The following ANLN variants were observed in gnomAD, a reference collection of about 807,000 sequenced individuals.
ANLN encodes anillin.
A neutral mutation model predicts 135.1 loss-of-function variants in ANLN; 59 were observed. The ratio of observed to expected loss-of-function variants is 0.44; its 90% confidence interval spans 0.35 to 0.54. ANLN has a LOEUF of 0.54. ANLN is among the 20% of genes least tolerant of loss of function. The pLI is 0.00. For missense variants in ANLN, 1,182 were observed against 1,340.0 expected, an observed-to-expected ratio of 0.88 and a Z score of 1.84; for synonymous variants, 406 against 456.4, an observed-to-expected ratio of 0.89 and a Z score of 1.41.
rs1369970909 is a variant in ANLN at position 36,449,781 on chromosome 7, A to G, written c.3195A>G (p.Arg1065=). Residue 1065 remains arginine (R), a synonymous_variant, in exon 23 of 24, where the codon AGA becomes AGG. Coordinates refer to ENST00000265748, the MANE Select transcript of ANLN (RefSeq NM_018685.5). ...TFELITVRPQ[R]EDDRETLVSQ... ...AATTAATTACTGTCCGACCACAAAG[A>G]GAAGATGACCGAGAGACTCTTGTCA... is the stretch of plus-strand genomic sequence containing the variant. The G allele has an allele frequency of 1.9e-6, 3 of 1,614,040 alleles. No individual in the cohort carries two copies. The highest frequency in any genetic ancestry group is 3.3e-5 in the Admixed American group (2 of 60,006).
chr7:36,395,629 A>G (rs574980707), intron 1 of ANLN, among the ~76,000 whole-genome samples: 87 of 152,282 alleles, frequency 5.7e-4, no homozygotes, highest in African/African-American at 2.1e-3. Flanking sequence ...GTGGCTTAAA[A>G]CAATACTCTT....
chr7:36,399,209 G>A lies in ANLN; in HGVS notation c.303G>A (p.Val101=). 6.2e-7 allele frequency: 1 copy of A among 1,614,132 alleles called. No individual in the cohort carries two copies. Among genetic ancestry groups the A allele is most frequent in the African/African-American group, 1.3e-5 (1 of 75,038 alleles). Residue 101 remains valine (V), a synonymous_variant, in exon 3 of 24, where the codon GTG becomes GTA. Coordinates refer to ENST00000265748, the MANE Select transcript of ANLN (RefSeq NM_018685.5). ...CAAAATCTTGTTCTCCAAGTCCTGTGTCTCCTCAGGTGCAGCCACAAGCAG... is the reference window on the plus strand; with the variant it reads ...CAAAATCTTGTTCTCCAAGTCCTGTATCTCCTCAGGTGCAGCCACAAGCAG... ...TSAKSCSPSP[V]SPQVQPQAAD...
Position 36,421,852 on chromosome 7 carries a change from C to A in ANLN, c.2164-5C>A. ...TATTTTTTCTCCTCTCATTGGTTTT[C>A]CTAGGAACTCAATAACGAAATAAAT... On this transcript the variant is annotated splice_polypyrimidine_tract_variant and splice_region_variant and intron_variant, in intron 12 of 23. Coordinates refer to ENST00000265748, the MANE Select transcript of ANLN (RefSeq NM_018685.5). The A allele has an allele frequency of 6.3e-7, 1 of 1,594,838 alleles. No individual in the cohort carries two copies. Among genetic ancestry groups the A allele is most frequent in the Non-Finnish European group, 8.5e-7 (1 of 1,172,460 alleles).
intron 4 of ANLN, among the ~76,000 whole-genome samples, chr7:36,406,897 T>C (rs1264204081): frequency 6.6e-6 from 1 of 152,108 alleles, no homozygotes; most frequent in African/African-American, 2.4e-5. Context: ...TAAATATATA[T>C]ATGAGAAATT....
rs551314566 is a variant in ANLN, at chr7:36,407,744, C to T, written c.884C>T (p.Ser295Phe). The T allele has an allele frequency of 5.0e-6, 8 of 1,612,228 alleles. No homozygotes were observed. The South Asian group carries it at 8.8e-5, about 18-fold the overall frequency. Residue 295 changes from serine (S) to phenylalanine (F), a missense_variant, in exon 5 of 24, where the codon TCT becomes TTT. Transcript: ENST00000265748. ...ASISSSVKAT[S>F]PVKSTTSITD... Reference sequence around the variant, plus strand: ...GTTTTCATGTTTCAGAAAGCTACTTCTCCAGTGAAATCTACTACATCTATC... The same window carrying T: ...GTTTTCATGTTTCAGAAAGCTACTTTTCCAGTGAAATCTACTACATCTATC...
chr7:36,407,784 T>TA lies in ANLN; in HGVS notation c.924_925insA (p.Cys309MetfsTer2). 6.2e-7 allele frequency: 1 copy of TA among 1,613,832 alleles called. No individual in the cohort carries two copies. The highest frequency in any genetic ancestry group is 8.5e-7 in the Non-Finnish European group (1 of 1,179,826). On this transcript the variant is annotated frameshift_variant, in exon 5 of 24. Transcript: ENST00000265748. LOFTEE classifies it high-confidence loss of function. The stretch of plus-strand genomic sequence containing the variant: ...CTACATCTATCACTGATGCTAAAAG[T>TA]TGTGAGGGACAAAATCCTGAGCTAC...
rs1292792033 is a variant in ANLN, at chr7:36,419,412, C to G, written c.1802C>G (p.Ala601Gly). 6.2e-7 allele frequency: 1 copy of G among 1,614,134 alleles called. No homozygotes were observed. Among genetic ancestry groups the G allele is most frequent in the Admixed American group, 1.7e-5 (1 of 60,018 alleles). ...LAESSEEQEDALNISSMSLLA... is the reference protein window; with the variant it reads ...LAESSEEQEDGLNISSMSLLA... ...GAAAGCAGCGAAGAACAGGAAGATGCACTGAATATCTCCTCAATGTCTTTA... is the reference window on the plus strand; with the variant it reads ...GAAAGCAGCGAAGAACAGGAAGATGGACTGAATATCTCCTCAATGTCTTTA... Residue 601 changes from alanine (A) to glycine (G), a missense_variant, in exon 10 of 24, where the codon GCA becomes GGA. Physicochemically the swap from Ala to Gly is moderately conservative, Grantham distance 60 (BLOSUM62 0). Around this residue, in one of 3 missense-constraint regions of ANLN, gnomAD observed 1,022 missense variants for 1,134.0 expected, o/e 0.90. Transcript: ENST00000265748.
chr7:36,417,879 A>T (rs1787712309), intron 9 of ANLN, among the ~76,000 whole-genome samples: 1 of 151,522 alleles, frequency 6.6e-6, no homozygotes, highest in Non-Finnish European at 1.5e-5. Context: ...GTTTCACCAT[A>T]TTGGCCAGGC....
chr7:36,424,858 T>C lies in ANLN; in HGVS notation c.2709+116T>C, dbSNP rs562873237. 129 of 982,884 alleles carry C rather than the reference T, an allele frequency of 1.3e-4. 1 individual carries two copies. Among genetic ancestry groups the C allele is most frequent in the Middle Eastern group, 3.2e-4 (1 of 3,082 alleles). 60.9% of individuals were successfully genotyped at this position (982,884 alleles called of 1,614,324 possible). On this transcript the variant is annotated intron_variant, in intron 17 of 23. Coordinates refer to ENST00000265748, the MANE Select transcript of ANLN (RefSeq NM_018685.5). ...TTAGGAAGTTTTTGGATCAGTTTCA[T>C]GTTCCAATTTGTAGTTACTATGTTA...
In ANLN at chr7:36,389,969, T is replaced by G. The variant is rs1428737467; in HGVS notation, c.-58T>G. 1 of 1,613,962 alleles carries G rather than the reference T, an allele frequency of 6.2e-7. No homozygotes were observed. The highest frequency in any genetic ancestry group is 1.3e-5 in the African/African-American group (1 of 74,942). On this transcript the variant is annotated 5_prime_UTR_variant, in exon 1 of 24. Coordinates refer to ENST00000265748, the MANE Select transcript of ANLN (RefSeq NM_018685.5). Reference sequence around the variant, plus strand: ...AGACACACTGAGCTGAGACTCACTTTTCTCTTCCTGAATTTGAACCACCGT... The same window carrying G: ...AGACACACTGAGCTGAGACTCACTTGTCTCTTCCTGAATTTGAACCACCGT...
intron 9 of ANLN, 41 bp downstream of exon 9, chr7:36,417,231 CTATAGGAAATA>C (rs1787682165): frequency 4.5e-6 from 5 of 1,106,148 alleles, no homozygotes; most frequent in Non-Finnish European, 6.6e-6. Flanking sequence ...TTTGCACATA[CTATAGGAAATA>C]ATATATTGAT....
At chr7:36,423,977 AT>A (rs1223116397) in intron 15 of ANLN, 34 bp downstream of exon 15, 1 of 1,594,516 alleles carries the variant, frequency 6.3e-7, no homozygotes, top group Non-Finnish European at 8.5e-7. Flanking sequence ...ATTCGAATGC[AT>A]TTTTCTTTTT....
At chr7:36,448,147 G>A (rs1260328806) in intron 22 of ANLN, among the ~76,000 whole-genome samples, 1 of 152,112 alleles carries the variant, frequency 6.6e-6, no homozygotes, top group Admixed American at 6.5e-5. Context: ...CCGAGTAGCT[G>A]GGACTACAGG....
chr7:36,439,906 T>C (rs1394224728), intron 21 of ANLN, among the ~76,000 whole-genome samples: 2 of 152,214 alleles, frequency 1.3e-5, no homozygotes, highest in Admixed American at 1.3e-4. Flanking sequence ...ATTTGGACTT[T>C]ATCCTAGAGT....
At chr7:36,419,170 T>C (rs1321655878) in intron 9 of ANLN, 74 bp from the exon 10 acceptor site, 1 of 1,087,974 alleles carries the variant, frequency 9.2e-7, no homozygotes, top group East Asian at 2.5e-5. Flanking sequence ...AATATGAATA[T>C]TAAATTTTCT....
At chr7:36,404,151 G>A (rs745987931) in intron 3 of ANLN, among the ~76,000 whole-genome samples, 3 of 151,868 alleles carry the variant, frequency 2.0e-5, no homozygotes, top group African/African-American at 7.3e-5. Context: ...TTGTATTTTA[G>A]TAGAGACAGG....
chr7:36,416,292 T>A (rs1256662324), intron 8 of ANLN, among the ~76,000 whole-genome samples: 1 of 152,216 alleles, frequency 6.6e-6, no homozygotes, highest in African/African-American at 2.4e-5. Flanking sequence ...GTACTGGGAT[T>A]ACAGGGGTCA....
chr7:36,404,329 C>T (rs187507022), intron 3 of ANLN, among the ~76,000 whole-genome samples: 6 of 152,258 alleles, frequency 3.9e-5, no homozygotes, highest in Admixed American at 2.0e-4. Flanking sequence ...CCCACTTATC[C>T]GCTGGGTATA....
chr7:36,420,219 T>C lies in ANLN; in HGVS notation c.1920T>C (p.Asp640=), dbSNP rs1787816750. ...RLELKDTSRS[D]ESPKPGKFQR... ...AATTGAAAGACACCAGCAGAAGTGA[T>C]GAAAGTCCAAAACCAGGAAAATTCC... The change falls in exon 11 of 24, where the codon GAT becomes GAC. Residue 640 remains aspartate, a synonymous_variant. Coordinates refer to ENST00000265748, the MANE Select transcript of ANLN (RefSeq NM_018685.5). The C allele has an allele frequency of 1.1e-5, 18 of 1,613,960 alleles. No individual in the cohort carries two copies. Among genetic ancestry groups the C allele is most frequent in the Non-Finnish European group, 1.5e-5 (18 of 1,179,974 alleles).
Sources: gnomAD v4.1 joint callset for allele counts (sites outside exome capture counted in the v4.1 genomes callset) on GRCh38, gnomAD v4.1.1 for gene constraint, gnomAD v4.1.1 regional missense constraint, MANE v1.5 for transcripts, NCBI Gene and HGNC (gene_info 2026-07-23, HGNC 2026-07-21) for gene names.